Variants in AKAP19 observed in about 807,000 individuals in gnomAD.
The protein encoded by AKAP19 is A-kinase anchoring protein 19.
chr2:190,201,455 C>T, the AKAP19 span: 1 of 166,896 alleles, frequency 6.0e-6, no homozygotes, highest in African/African-American at 2.4e-5. Context: ...TTATTTAAGC[C>T]TGTGTATGTT....
At chr2:189,933,170 C>G in the AKAP19 span, among the ~76,000 whole-genome samples, 1 of 152,124 alleles carries the variant, frequency 6.6e-6, no homozygotes, top group East Asian at 1.9e-4. Flanking sequence ...TTTACTAATG[C>G]CAGTGCTTGT....
the AKAP19 span, among the ~76,000 whole-genome samples, chr2:190,163,740 TC>T: frequency 6.6e-6 from 1 of 152,180 alleles, no homozygotes; most frequent in Non-Finnish European, 1.5e-5. Flanking sequence ...AGGGGAAAGA[TC>T]TAAATCAATG....
At chr2:190,194,935 C>T in the AKAP19 span, among the ~76,000 whole-genome samples, 3 of 152,182 alleles carry the variant, frequency 2.0e-5, no homozygotes, top group African/African-American at 4.8e-5. Flanking sequence ...TAACTTACCA[C>T]AACCTTCAAT....
the AKAP19 span, among the ~76,000 whole-genome samples, chr2:189,976,511 C>A: frequency 1.9e-4 from 29 of 152,344 alleles, no homozygotes; most frequent in African/African-American, 6.7e-4. Flanking sequence ...AGCTGTCAGA[C>A]AGGGACATTT....
the AKAP19 span, chr2:190,055,814 C>A: frequency 2.0e-5 from 3 of 151,904 alleles, no homozygotes; most frequent in African/African-American, 7.3e-5. Flanking sequence ...AACAAAATCC[C>A]AATTTACAAA....
At chr2:189,930,962 G>A in the AKAP19 span, 1 of 830,802 alleles carries the variant, frequency 1.2e-6, no homozygotes, top group Non-Finnish European at 2.0e-6. Context: ...TGAGACTCCT[G>A]AAGCAGGGAG....
the AKAP19 span, chr2:190,201,655 A>T: frequency 6.0e-6 from 1 of 167,060 alleles, no homozygotes; most frequent in African/African-American, 2.4e-5. Context: ...GGAAAACATT[A>T]TTTGAAATAT....
chr2:189,896,440 T>C, the AKAP19 span, among the ~76,000 whole-genome samples: 18 of 152,292 alleles, frequency 1.2e-4, no homozygotes, highest in Non-Finnish European at 2.2e-4. Flanking sequence ...TCCTTGTACT[T>C]ATTCCTGTCT....
chr2:190,171,233 TAA>T, the AKAP19 span, among the ~76,000 whole-genome samples: 1 of 147,068 alleles, frequency 6.8e-6, no homozygotes, highest in Non-Finnish European at 1.5e-5. Flanking sequence ...GAAAAAAAGT[TAA>T]AAAAAAAAAC....
chr2:190,194,477 TACACACACACACACACACACACACAC>T, the AKAP19 span, among the ~76,000 whole-genome samples: 30 of 141,370 alleles, frequency 2.1e-4, no homozygotes, highest in East Asian at 4.1e-4. Flanking sequence ...ATCCTGTGTA[TACACACACACACACACACACACACAC>T]ACACACACAC....
At chr2:190,163,507 A>AG in the AKAP19 span, among the ~76,000 whole-genome samples, 1 of 151,784 alleles carries the variant, frequency 6.6e-6, no homozygotes, top group African/African-American at 2.4e-5. Flanking sequence ...CTGAGGTCTT[A>AG]GCCTGAAATT....
chr2:190,023,652 C>G, the AKAP19 span, among the ~76,000 whole-genome samples: 1 of 151,460 alleles, frequency 6.6e-6, no homozygotes, highest in African/African-American at 2.4e-5. Flanking sequence ...AATTTACATT[C>G]TTTCTTGTAA....
chr2:190,124,632 C>G, the AKAP19 span, among the ~76,000 whole-genome samples: 14 of 152,232 alleles, frequency 9.2e-5, no homozygotes, highest in African/African-American at 3.4e-4. Context: ...ATCACTTGAG[C>G]CCAACAGTTC....
the AKAP19 span, among the ~76,000 whole-genome samples, chr2:189,901,786 T>C: frequency 6.6e-6 from 1 of 152,226 alleles, no homozygotes; most frequent in African/African-American, 2.4e-5. Flanking sequence ...GCTACCTTTA[T>C]CTTATGCTAA....
the AKAP19 span, among the ~76,000 whole-genome samples, chr2:189,956,368 A>G: frequency 6.7e-6 from 1 of 150,236 alleles, no homozygotes; most frequent in East Asian, 2.0e-4. Context: ...ACGGGGTTTC[A>G]CCGTTTTAGC....
chr2:189,919,202 A>G, the AKAP19 span, among the ~76,000 whole-genome samples: 2 of 152,146 alleles, frequency 1.3e-5, no homozygotes, highest in Non-Finnish European at 2.9e-5. Flanking sequence ...GCAAACCCAT[A>G]AAGACAGAAA....
the AKAP19 span, among the ~76,000 whole-genome samples, chr2:190,098,294 G>A: frequency 6.6e-6 from 1 of 152,264 alleles, no homozygotes; most frequent in African/African-American, 2.4e-5. Flanking sequence ...CAGAATGGAT[G>A]TGTTCACAAG....
the AKAP19 span, among the ~76,000 whole-genome samples, chr2:190,118,486 A>G: frequency 3.3e-5 from 5 of 152,218 alleles, no homozygotes; most frequent in African/African-American, 9.6e-5. Context: ...CTGGCAAACC[A>G]AATCCAGCAG....
the AKAP19 span, chr2:190,056,990 T>A: frequency 2.6e-6 from 1 of 390,652 alleles, no homozygotes; most frequent in Non-Finnish European, 4.6e-6. Context: ...TCGCCGATGT[T>A]GTAATATATA....
Sources: allele counts gnomAD v4.1 joint callset (sites outside exome capture counted in the v4.1 genomes callset), GRCh38; gene constraint gnomAD v4.1.1; transcripts MANE v1.5; gene names NCBI Gene and HGNC (gene_info 2026-07-23, HGNC 2026-07-21).